Variants in PTPRD observed in about 807,000 individuals in gnomAD.
PTPRD encodes receptor-type tyrosine-protein phosphatase delta.
Under a neutral mutation model 214.5 loss-of-function variants are expected in PTPRD, and 34 were observed. The ratio of observed to expected loss-of-function variants is 0.16; its 90% CI spans 0.12 to 0.21. PTPRD has a LOEUF of 0.21. Among genes scored for constraint, PTPRD ranks in the 10% least tolerant of loss-of-function variants. The pLI, the probability that PTPRD is intolerant of heterozygous loss-of-function variation, is 1.00. For missense variants in PTPRD, 2,545 were observed against 2,398.7 expected (o/e 1.06, Z -1.27); for synonymous variants, 1,128 against 845.7 (o/e 1.33, Z -5.79).
intron 6 of PTPRD, among the ~76,000 whole-genome samples, chr9:9,749,028 C>T (rs561880670): frequency 4.8e-5 from 5 of 103,586 alleles, no homozygotes; most frequent in African/African-American, 2.8e-4. Flanking sequence ...GGAGTATAAT[C>T]TCCCTTCTTC....
intron 14 of PTPRD, among the ~76,000 whole-genome samples, chr9:8,553,194 C>G (rs186942599): frequency 6.6e-6 from 1 of 152,142 alleles, no homozygotes; most frequent in South Asian, 2.1e-4. Flanking sequence ...CAACTAAACT[C>G]GGATCCCAAA....
intron 4 of PTPRD, among the ~76,000 whole-genome samples, chr9:10,012,123 A>G (rs1225858347): frequency 6.6e-6 from 1 of 152,000 alleles, no homozygotes; most frequent in Non-Finnish European, 1.5e-5. Context: ...TTTAATATTT[A>G]TTTAATTATT....
At chr9:8,331,848 A>G (rs1841534050) in intron 43 of PTPRD, 112 bp from the exon 44 acceptor site, 1 of 1,307,198 alleles carries the variant, frequency 7.6e-7, no homozygotes, top group Admixed American at 2.9e-5. Context: ...AAAAGGGTAG[A>G]AAAAGTTAGG....
intron 39 of PTPRD, among the ~76,000 whole-genome samples, chr9:8,349,392 TG>T (rs2074800607): frequency 1.3e-5 from 2 of 152,182 alleles, no homozygotes. Flanking sequence ...ACTCTTTTTT[TG>T]TTCACCCATC....
chr9:10,530,388 C>T (rs376308198), intron 2 of PTPRD, among the ~76,000 whole-genome samples: 1 of 152,128 alleles, frequency 6.6e-6, no homozygotes, highest in African/African-American at 2.4e-5. Context: ...AAAGTTTAAA[C>T]CCCATGCAAA....
intron 14 of PTPRD, among the ~76,000 whole-genome samples, chr9:8,572,001 T>A (rs1273982503): frequency 6.6e-6 from 1 of 152,054 alleles, no homozygotes; most frequent in Non-Finnish European, 1.5e-5. Context: ...GGAAGTAATG[T>A]GTACAGTGAT....
At chr9:9,699,574 C>A (rs1023497240) in intron 7 of PTPRD, among the ~76,000 whole-genome samples, 29 of 152,180 alleles carry the variant, frequency 1.9e-4, no homozygotes, top group African/African-American at 7.0e-4. Context: ...TTTACCCCCC[C>A]AATACAGCTA....
intron 3 of PTPRD, among the ~76,000 whole-genome samples, chr9:10,110,298 G>T (rs1205845432): frequency 6.6e-6 from 1 of 152,138 alleles, no homozygotes; most frequent in Non-Finnish European, 1.5e-5. Context: ...CCATCTCCCT[G>T]TGAAGTTGTT....
chr9:10,315,460 T>G (rs185532426), intron 3 of PTPRD, among the ~76,000 whole-genome samples: 1 of 151,942 alleles, frequency 6.6e-6, no homozygotes, highest in East Asian at 1.9e-4. Flanking sequence ...GTTTCATATA[T>G]GAAACAATTA....
chr9:8,609,770 A>T (rs2095373756), intron 14 of PTPRD, among the ~76,000 whole-genome samples: 1 of 152,230 alleles, frequency 6.6e-6, no homozygotes, highest in African/African-American at 2.4e-5. Context: ...CATAATTCAT[A>T]AAAATGGAAG....
chr9:9,253,555 A>G (rs1182372777), intron 9 of PTPRD, among the ~76,000 whole-genome samples: 1 of 152,022 alleles, frequency 6.6e-6, no homozygotes, highest in Non-Finnish European at 1.5e-5. Flanking sequence ...TTCCTTATCT[A>G]AACACCTCAA....
chr9:9,991,785 A>C (rs971855152), intron 4 of PTPRD, among the ~76,000 whole-genome samples: 2 of 152,012 alleles, frequency 1.3e-5, no homozygotes, highest in Non-Finnish European at 2.9e-5. Flanking sequence ...GTCATTGTCA[A>C]AAACCAGACA....
In PTPRD at chr9:10,120,084, GAT is replaced by G. The variant is rs535595120; in HGVS notation, c.-544-86296_-544-86295del. Among the ~76,000 whole-genome samples the G allele has an allele frequency of 8.5e-4, 129 of 152,108 alleles. 1 individual carries two copies. The highest frequency in any genetic ancestry group is 2.6e-3 in the African/African-American group (107 of 41,556). ...GCAATAAGCCACCCAGTGTCCTAGTGATGTTTGTATGCTGCATAAGAAAACAA... is the reference window on the plus strand; with the variant it reads ...GCAATAAGCCACCCAGTGTCCTAGTGGTTTGTATGCTGCATAAGAAAACAA... On this transcript the variant is annotated intron_variant, in intron 3 of 45. Transcript: ENST00000381196.
At chr9:9,621,553 T>C (rs1298363110) in intron 7 of PTPRD, among the ~76,000 whole-genome samples, 2 of 152,200 alleles carry the variant, frequency 1.3e-5, no homozygotes, top group Middle Eastern at 3.2e-3. Flanking sequence ...GTGGATGTGA[T>C]GTGGATGCTC....
At chr9:9,322,595 G>A (rs1221664975) in intron 9 of PTPRD, among the ~76,000 whole-genome samples, 2 of 152,134 alleles carry the variant, frequency 1.3e-5, no homozygotes, top group Non-Finnish European at 2.9e-5. Context: ...ATGTCTAGGA[G>A]TAACATATGC....
At chr9:9,730,019 C>A (rs2098161301) in intron 7 of PTPRD, among the ~76,000 whole-genome samples, 1 of 152,030 alleles carries the variant, frequency 6.6e-6, no homozygotes, top group Non-Finnish European at 1.5e-5. Flanking sequence ...CATAACATAA[C>A]AACCTTGAAA....
At chr9:10,271,903 T>C (rs1468915456) in intron 3 of PTPRD, among the ~76,000 whole-genome samples, 1 of 152,182 alleles carries the variant, frequency 6.6e-6, no homozygotes, top group Non-Finnish European at 1.5e-5. Flanking sequence ...TTTATTTGTC[T>C]GTATGTGAAT....
intron 4 of PTPRD, among the ~76,000 whole-genome samples, chr9:10,023,632 T>C (rs1291330478): frequency 6.6e-6 from 1 of 152,024 alleles, no homozygotes; most frequent in Non-Finnish European, 1.5e-5. Context: ...TTTTTTTTTT[T>C]CTAATAAAGT....
intron 4 of PTPRD, among the ~76,000 whole-genome samples, chr9:10,000,630 G>C (rs957156190): frequency 1.3e-5 from 2 of 152,194 alleles, no homozygotes; most frequent in Admixed American, 6.5e-5. Context: ...GAGGGTAAAA[G>C]TTCTTGATAA....
Sources: gnomAD v4.1 joint callset for allele counts (sites outside exome capture counted in the v4.1 genomes callset) on GRCh38, gnomAD v4.1.1 for gene constraint, MANE v1.5 for transcripts, NCBI Gene and HGNC (gene_info 2026-07-23, HGNC 2026-07-21) for gene names.